DOCK3: variants seen among roughly 807,000 people sequenced by gnomAD.
The protein encoded by DOCK3 is dedicator of cytokinesis protein 3.
DOCK3 carries 60 observed loss-of-function variants against 265.6 expected under a neutral mutation model. The ratio of observed to expected loss-of-function variants is 0.23; its 90% confidence interval spans 0.18 to 0.28. DOCK3 has a LOEUF of 0.28. Ranked by LOEUF, DOCK3 falls within the 10% of genes least tolerant of loss-of-function variation. The pLI, the probability that DOCK3 is intolerant of heterozygous loss-of-function variation, is 1.00. For synonymous variants in DOCK3, 881 were observed against 938.0 expected (o/e 0.94, Z 1.11); for missense variants, 1,981 against 2,594.3 (o/e 0.76, Z 5.14).
At position 50,757,315 on chromosome 3, in the gene DOCK3, G is replaced by A. The variant is rs2108356184; in HGVS notation, c.38-21360G>A. ...GCCTCCTAAGTAGCTGGGATTACAG[G>A]CGCGCATCACCATGCCTGGCTAATT... On this transcript the variant is annotated intron_variant, in intron 1 of 52. Coordinates refer to ENST00000266037, the MANE Select transcript of DOCK3 (RefSeq NM_004947.5). Among the ~76,000 whole-genome samples, 2 of 151,914 alleles carry A rather than the reference G, an allele frequency of 1.3e-5. 1 individual carries two copies.
chr3:51,117,802 G>A (rs1352735216), intron 9 of DOCK3, among the ~76,000 whole-genome samples: 1 of 152,156 alleles, frequency 6.6e-6, no homozygotes, highest in East Asian at 1.9e-4. Context: ...GGGATCAGTG[G>A]TGATCAACCC....
chr3:51,060,836 A>C (rs1203127578), intron 5 of DOCK3, among the ~76,000 whole-genome samples: 1 of 152,192 alleles, frequency 6.6e-6, no homozygotes, highest in Non-Finnish European at 1.5e-5. Flanking sequence ...AATATCCAGA[A>C]TCTACAGTGA....
Position 51,270,945 on chromosome 3 carries a change from T to C in DOCK3, c.2486T>C (p.Met829Thr). 6.2e-7 allele frequency: 1 copy of C among 1,614,016 alleles called. No individual in the cohort carries two copies. The highest frequency in any genetic ancestry group is 8.5e-7 in the Non-Finnish European group (1 of 1,179,904). ...MPSTVHIGQSMDVVKLQSIAR... is the reference protein window; with the variant it reads ...MPSTVHIGQSTDVVKLQSIAR... ...AGCACTGTGCACATTGGGCAGTCAA[T>C]GGACGTGGTCAAGCTGCAGTCCATT... The change falls in exon 24 of 53, where the codon ATG becomes ACG. Residue 829 changes from methionine (M) to threonine (T), a missense_variant. Met to Thr is a moderately conservative substitution (Grantham distance 81, BLOSUM62 -1). Coordinates refer to ENST00000266037, the MANE Select transcript of DOCK3 (RefSeq NM_004947.5).
intron 27 of DOCK3, among the ~76,000 whole-genome samples, chr3:51,285,899 C>T (rs1328105818): frequency 6.6e-6 from 1 of 152,122 alleles, no homozygotes; most frequent in Non-Finnish European, 1.5e-5. Context: ...CACGCCATTG[C>T]ACTCCAGCCC....
chr3:51,322,017 CAT>C (rs1022769168), intron 32 of DOCK3, among the ~76,000 whole-genome samples: 1 of 151,988 alleles, frequency 6.6e-6, no homozygotes, highest in African/African-American at 2.4e-5. Flanking sequence ...AACCCCAAGA[CAT>C]ATAATCGTCA....
chr3:50,860,381 A>G (rs887676825), intron 3 of DOCK3, among the ~76,000 whole-genome samples: 36 of 152,102 alleles, frequency 2.4e-4, no homozygotes, highest in African/African-American at 8.7e-4. Flanking sequence ...TTCTGGCTCT[A>G]TAGTTGATAG....
intron 3 of DOCK3, among the ~76,000 whole-genome samples, chr3:50,875,099 G>A (rs2107611778): frequency 6.6e-6 from 1 of 152,216 alleles, no homozygotes; most frequent in South Asian, 2.1e-4. Context: ...CCTAAAGCAT[G>A]CGGGGCTTCA....
At chr3:51,107,135 A>G (rs2083311837) in intron 9 of DOCK3, among the ~76,000 whole-genome samples, 1 of 152,226 alleles carries the variant, frequency 6.6e-6, no homozygotes, top group Non-Finnish European at 1.5e-5. Flanking sequence ...AAGCTAGTTG[A>G]CTGAACCCAT....
chr3:51,338,807 G>A, intron 36 of DOCK3, 128 bp from the exon 37 acceptor site: 1 of 750,392 alleles, frequency 1.3e-6, no homozygotes, highest in Non-Finnish European at 2.3e-6. Flanking sequence ...TTCTCCTTCT[G>A]GTGCTGTCTG....
In DOCK3 at chr3:51,361,733, A is replaced by ACACAGCAAAC; in HGVS notation, c.5007-125_5007-124insACAGCAAACC. On this transcript the variant is annotated intron_variant, in intron 47 of 52. Transcript: ENST00000266037. The surrounding 1 kb of genome is among the most constrained non-coding windows in gnomAD (Gnocchi z 4.2). Reference sequence around the variant, plus strand: ...AGGCCTCAGATGGGTATGAGCATTGACTATGGAACCCTCCAAACCGGTGGT... The same window carrying ACACAGCAAAC: ...AGGCCTCAGATGGGTATGAGCATTGACACAGCAAACCTATGGAACCCTCCAAACCGGTGGT... 7.7e-7 allele frequency: 1 copy of ACACAGCAAAC among 1,306,514 alleles called. No homozygotes were observed. 80.9% of individuals were successfully genotyped at this position (1,306,514 alleles called of 1,614,324 possible). A position where few individuals can be genotyped will look rare whatever the true frequency, so the allele number is the denominator to read the frequency against.
chr3:50,818,904 G>A (rs914040087), intron 2 of DOCK3, among the ~76,000 whole-genome samples: 3 of 152,082 alleles, frequency 2.0e-5, no homozygotes, highest in African/African-American at 7.3e-5. Flanking sequence ...ATTCAAGTAG[G>A]TATCTTGTCT....
intron 1 of DOCK3, among the ~76,000 whole-genome samples, chr3:50,758,709 T>A (rs949207591): frequency 6.6e-6 from 1 of 152,052 alleles, no homozygotes; most frequent in Non-Finnish European, 1.5e-5. Flanking sequence ...CAACCAAAAT[T>A]CTACTTTTTT....
intron 7 of DOCK3, among the ~76,000 whole-genome samples, chr3:51,076,490 C>T (rs1336730473): frequency 1.3e-5 from 2 of 152,172 alleles, no homozygotes; most frequent in African/African-American, 4.8e-5. Context: ...ATCTCACTAT[C>T]TAGGGTATTG....
At chr3:51,077,403 G>A (rs1042791663) in intron 7 of DOCK3, among the ~76,000 whole-genome samples, 1 of 152,096 alleles carries the variant, frequency 6.6e-6, no homozygotes, top group African/African-American at 2.4e-5. Context: ...GTGTGGAAAA[G>A]GATTGGAGTG....
chr3:51,243,679 A>G (rs2078707367), intron 21 of DOCK3, among the ~76,000 whole-genome samples: 1 of 152,176 alleles, frequency 6.6e-6, no homozygotes, highest in South Asian at 2.1e-4. Flanking sequence ...CACTCTGTTG[A>G]TTGTGTCCTT....
intron 23 of DOCK3, 137 bp downstream of exon 23, chr3:51,260,463 A>G (rs1422066830): frequency 1.9e-6 from 2 of 1,065,584 alleles, no homozygotes; most frequent in Non-Finnish European, 2.6e-6. Context: ...ACAAGGAAAT[A>G]CCTGATACAA....
Position 51,361,969 on chromosome 3 carries a change from C to T in DOCK3, c.5117C>T (p.Ala1706Val). 6.2e-7 allele frequency: 1 copy of T among 1,610,244 alleles called. No homozygotes were observed. Among genetic ancestry groups the T allele is most frequent in the Non-Finnish European group, 8.5e-7 (1 of 1,178,348 alleles). ...VMLGDGSMGDAPEDLYHHMQL... is the reference protein window; with the variant it reads ...VMLGDGSMGDVPEDLYHHMQL... ...CTGGGTGACGGCTCCATGGGTGATGCTCCTGAGGACCTGTACCACCACATG... is the reference window on the plus strand; with the variant it reads ...CTGGGTGACGGCTCCATGGGTGATGTTCCTGAGGACCTGTACCACCACATG... The change falls in exon 48 of 53, where the codon GCT becomes GTT. Residue 1706 changes from alanine to valine, a missense_variant. By Grantham distance (64) the Ala-to-Val change is moderately conservative (BLOSUM62 0). This residue lies in a region of DOCK3 where 1,357 missense variants were observed against 1,866.8 expected (regional missense o/e 0.73). Transcript: ENST00000266037. This position sits in a 1 kb window ranked among gnomAD's most constrained non-coding sequence, Gnocchi z 4.2.
At chr3:51,184,492 G>T (rs1235640376) in intron 12 of DOCK3, among the ~76,000 whole-genome samples, 1 of 150,900 alleles carries the variant, frequency 6.6e-6, no homozygotes, top group Non-Finnish European at 1.5e-5. Flanking sequence ...TATATCAAAG[G>T]AACATTGAAG....
At chr3:51,347,271 A>C (rs1269749944) in intron 38 of DOCK3, among the ~76,000 whole-genome samples, 1 of 152,156 alleles carries the variant, frequency 6.6e-6, no homozygotes, top group Admixed American at 6.6e-5. Context: ...TTATGGTTTT[A>C]GGCTAACATT....
Sources: allele counts gnomAD v4.1 joint callset (sites outside exome capture counted in the v4.1 genomes callset), GRCh38; gene constraint gnomAD v4.1.1; regional missense constraint gnomAD v4.1.1; non-coding constraint Gnocchi (gnomAD v3.1); transcripts MANE v1.5; gene names NCBI Gene and HGNC (gene_info 2026-07-23, HGNC 2026-07-21).